The following HS3ST2 variants were observed in gnomAD, a reference collection of about 807,000 sequenced individuals.
HS3ST2 encodes heparan sulfate-glucosamine 3-sulfotransferase 2, also known as heparan sulfate glucosamine 3-O-sulfotransferase 2.
Under a neutral mutation model 26.3 loss-of-function variants are expected in HS3ST2, and 17 were observed. The observed-to-expected ratio is 0.65, with a 90% confidence interval of 0.44 to 0.97. HS3ST2 has a LOEUF of 0.97. Ranked by LOEUF, HS3ST2 falls within the 50% of genes least tolerant of loss-of-function variation. HS3ST2 has a pLI of 0.00. For synonymous variants in HS3ST2, 237 were observed against 219.2 expected (o/e 1.08, Z -0.72); for missense variants, 402 against 501.2 (o/e 0.80, Z 1.89).
intron 1 of HS3ST2, among the ~76,000 whole-genome samples, chr16:22,835,235 C>G (rs575742251): frequency 1.3e-5 from 2 of 151,556 alleles, no homozygotes; most frequent in African/African-American, 2.4e-5. Flanking sequence ...ATTGGTGGAG[C>G]CTTCTTTATT....
At chr16:22,861,528 C>T (rs957668260) in intron 1 of HS3ST2, among the ~76,000 whole-genome samples, 5 of 151,914 alleles carry the variant, frequency 3.3e-5, no homozygotes, top group African/African-American at 2.4e-5. Context: ...CAGCCTTGGC[C>T]CTCTCCTCTT....
At chr16:22,829,622 A>C (rs140695351) in intron 1 of HS3ST2, among the ~76,000 whole-genome samples, 154 of 152,266 alleles carry the variant, frequency 1.0e-3, no homozygotes, top group African/African-American at 3.5e-3. Flanking sequence ...GGGACCTACA[A>C]TCTGCCCTCT....
intron 1 of HS3ST2, among the ~76,000 whole-genome samples, chr16:22,897,437 T>C (rs1567499481): frequency 6.6e-6 from 1 of 152,226 alleles, no homozygotes; most frequent in Non-Finnish European, 1.5e-5. Context: ...TGCACCAATA[T>C]TGTTTTGAGT....
Position 22,870,468 on chromosome 16 carries a change from A to C in HS3ST2, c.486-44476A>C, listed in dbSNP as rs1901820042. Among the ~76,000 whole-genome samples the C allele has an allele frequency of 2.6e-5, 4 of 152,284 alleles. No homozygotes were observed. In the South Asian group the frequency reaches 8.3e-4, roughly 32 times the overall value. On this transcript the variant is annotated intron_variant, in intron 1 of 1. Coordinates refer to ENST00000261374, the MANE Select transcript of HS3ST2 (RefSeq NM_006043.2). Reference sequence around the variant, plus strand: ...GGTCTGCTAAAGCATAAGTCGAATCACGTCGCTCCTCTGCTTCTCATCTCA... The same window carrying C: ...GGTCTGCTAAAGCATAAGTCGAATCCCGTCGCTCCTCTGCTTCTCATCTCA...
chr16:22,876,929 C>T (rs190815480), intron 1 of HS3ST2, among the ~76,000 whole-genome samples: 2 of 152,130 alleles, frequency 1.3e-5, no homozygotes, highest in East Asian at 3.9e-4. Context: ...AGCTAAGCTA[C>T]GAGGACACAA....
chr16:22,849,321 C>A (rs1435865343), intron 1 of HS3ST2, among the ~76,000 whole-genome samples: 2 of 152,144 alleles, frequency 1.3e-5, no homozygotes, highest in Non-Finnish European at 2.9e-5. Context: ...CCAGCCCACC[C>A]AGAGACTAAC....
chr16:22,911,788 T>C (rs1346708046), intron 1 of HS3ST2, among the ~76,000 whole-genome samples: 3 of 152,188 alleles, frequency 2.0e-5, no homozygotes, highest in Non-Finnish European at 4.4e-5. Context: ...TTAACTTAAT[T>C]ACATCTGCAA....
intron 1 of HS3ST2, among the ~76,000 whole-genome samples, chr16:22,824,391 C>T (rs1901049660): frequency 6.6e-6 from 1 of 151,910 alleles, no homozygotes; most frequent in Admixed American, 6.6e-5. Flanking sequence ...ACTAAGAATA[C>T]AAAAAATTAG....
In HS3ST2 at chr16:22,872,161, T is replaced by C. The variant is rs147826729; in HGVS notation, c.486-42783T>C. 2.7e-3 allele frequency among the ~76,000 whole-genome samples: 412 copies of C among 152,314 alleles called. 2 individuals carry two copies. Among genetic ancestry groups the C allele is most frequent in the African/African-American group, 8.8e-3 (365 of 41,564 alleles). ...ACACAGAAGTGGGACAATCTTGTGATTTGTCAGCTGAGCATTAGGATTTCA... is the reference window on the plus strand; with the variant it reads ...ACACAGAAGTGGGACAATCTTGTGACTTGTCAGCTGAGCATTAGGATTTCA... On this transcript the variant is annotated intron_variant, in intron 1 of 1. Transcript: ENST00000261374.
At position 22,915,451 on chromosome 16, in the gene HS3ST2, G is replaced by A. The variant is rs1222521342; in HGVS notation, c.993G>A (p.Gly331=). 3 of 1,613,760 alleles carry A rather than the reference G, an allele frequency of 1.9e-6. No individual in the cohort carries two copies. Among genetic ancestry groups the A allele is most frequent in the Non-Finnish European group, 8.5e-7 (1 of 1,179,952 alleles). Residue 331 remains glycine, a synonymous_variant, in exon 2 of 2, where the codon GGG becomes GGA. Transcript: ENST00000261374. ...CTCGATGCTTGGGCAAATCAAAAGG[G>A]AGAACTCATGTACAGATTGATCCTG... ...LLPRCLGKSK[G]RTHVQIDPEV...
chr16:22,879,581 G>A (rs528086850), intron 1 of HS3ST2, among the ~76,000 whole-genome samples: 1 of 152,288 alleles, frequency 6.6e-6, no homozygotes, highest in African/African-American at 2.4e-5. Context: ...GAGTGAGCTG[G>A]CCCCACTTTA....
At chr16:22,874,130 G>A (rs56021510) in intron 1 of HS3ST2, among the ~76,000 whole-genome samples, 1,532 of 152,274 alleles carry the variant, frequency 0.01, 35 homozygotes, top group African/African-American at 0.035. Flanking sequence ...ACAGGAAGGG[G>A]ACTTCATGTA....
intron 1 of HS3ST2, among the ~76,000 whole-genome samples, chr16:22,848,989 A>G (rs1360679177): frequency 6.6e-6 from 1 of 152,194 alleles, no homozygotes; most frequent in Non-Finnish European, 1.5e-5. Flanking sequence ...CACATTTAGA[A>G]CATTTAAAAA....
intron 1 of HS3ST2, among the ~76,000 whole-genome samples, chr16:22,823,473 G>A (rs1901031579): frequency 6.6e-6 from 1 of 152,116 alleles, no homozygotes; most frequent in Non-Finnish European, 1.5e-5. Context: ...AATATTGTTG[G>A]AGTTTGCCGA....
chr16:22,831,615 G>T (rs182322), intron 1 of HS3ST2, among the ~76,000 whole-genome samples: 2 of 151,254 alleles, frequency 1.3e-5, no homozygotes, highest in Non-Finnish European at 2.9e-5. Context: ...TACAATCTCA[G>T]TTTAAATCAC....
At chr16:22,888,373 C>CTTTTTTTTTTTTTTTTT (rs1165585404) in intron 1 of HS3ST2, among the ~76,000 whole-genome samples, 15 of 61,298 alleles carry the variant, frequency 2.4e-4, no homozygotes, top group Non-Finnish European at 4.1e-4. Context: ...TCTGGCTTTT[C>CTTTTTTTTTTTTTTTTT]TTTTTTTTTT....
chr16:22,897,615 C>A (rs1267780013), intron 1 of HS3ST2, among the ~76,000 whole-genome samples: 1 of 152,164 alleles, frequency 6.6e-6, no homozygotes, highest in Non-Finnish European at 1.5e-5. Context: ...AAAGTGATGA[C>A]CTGGTTCCAA....
intron 1 of HS3ST2, chr16:22,833,380 T>C (rs1420081436): frequency 6.7e-6 from 3 of 446,344 alleles, no homozygotes; most frequent in Non-Finnish European, 1.4e-5. Context: ...AAACTGTGGA[T>C]GATAATTAAA....
At chr16:22,834,025 T>G (rs542331666) in intron 1 of HS3ST2, among the ~76,000 whole-genome samples, 2 of 152,318 alleles carry the variant, frequency 1.3e-5, no homozygotes, top group Admixed American at 1.3e-4. Flanking sequence ...TTAACTTATC[T>G]TATTTATGCA....
Sources: allele counts gnomAD v4.1 joint callset (sites outside exome capture counted in the v4.1 genomes callset), GRCh38; gene constraint gnomAD v4.1.1; transcripts MANE v1.5; gene names NCBI Gene and HGNC (gene_info 2026-07-23, HGNC 2026-07-21).